The following RAD54L variants were observed in gnomAD, a reference collection of about 807,000 sequenced individuals.
RAD54L encodes the protein DNA repair and recombination protein RAD54-like.
Under a neutral mutation model 91.6 loss-of-function variants are expected in RAD54L, and 74 were observed. The observed-to-expected ratio is 0.81, with a 90% CI of 0.67 to 0.98. The LOEUF (loss-of-function observed/expected upper bound fraction) is 0.98. Ranked by LOEUF, RAD54L falls within the 50% of genes least tolerant of loss-of-function variation. The probability of loss-of-function intolerance (pLI) is 0.00; values close to 1 mark genes in which losing one functional copy is unlikely to be tolerated. For missense variants in RAD54L, 887 were observed against 945.7 expected (o/e 0.94, Z 0.81); for synonymous variants, 304 against 349.7 (o/e 0.87, Z 1.46).
At chr1:46,270,552 G>A (rs1400887646) in intron 9 of RAD54L, 107 bp from the exon 10 acceptor site, 1 of 1,471,510 alleles carries the variant, frequency 6.8e-7, no homozygotes, top group African/African-American at 1.4e-5. Flanking sequence ...GTTTAGCCTT[G>A]TTCTTGGTAG....
At chr1:46,278,045 G>A in intron 17 of RAD54L, 27 bp from the exon 18 acceptor site, 1 of 1,614,138 alleles carries the variant, frequency 6.2e-7, no homozygotes, top group African/African-American at 1.3e-5. Context: ...GATCTGTAGT[G>A]ACTTCAGCTG....
At chr1:46,250,546 T>C (rs1659769745) in intron 3 of RAD54L, among the ~76,000 whole-genome samples, 2 of 152,226 alleles carry the variant, frequency 1.3e-5, no homozygotes, top group South Asian at 4.1e-4. Context: ...AAGGGTTAAG[T>C]AATTTGCTCA....
At chr1:46,272,838 A>G in intron 12 of RAD54L, 36 bp downstream of exon 12, 8 of 1,613,376 alleles carry the variant, frequency 5.0e-6, no homozygotes, top group Non-Finnish European at 6.8e-6. Context: ...CCTCTGTGAG[A>G]GTGAGCAAGG....
Position 46,278,162 on chromosome 1 carries a change from C to G in RAD54L, c.2124C>G (p.His708Gln), listed in dbSNP as rs1227675246. Residue 708 changes from histidine to glutamine, a missense_variant, in exon 18 of 18, where the codon CAC becomes CAG. His to Gln is a conservative substitution (Grantham distance 24, BLOSUM62 0). Transcript: ENST00000371975. Reference sequence around the variant, plus strand: ...CTTCAGACCTGGCAGGGTGGAACCACTGCACTGATAAGTGGGGGCTCCGGG... The same window carrying G: ...CTTCAGACCTGGCAGGGTGGAACCAGTGCACTGATAAGTGGGGGCTCCGGG... ...DCTSDLAGWNHCTDKWGLRDE... is the reference protein window; with the variant it reads ...DCTSDLAGWNQCTDKWGLRDE... 3.1e-6 allele frequency: 5 copies of G among 1,613,766 alleles called. No homozygotes were observed. Among genetic ancestry groups the G allele is most frequent in the East Asian group, 4.5e-5 (2 of 44,894 alleles).
rs138546115 is a variant in RAD54L, at chr1:46,273,624, G to C, written c.1487G>C (p.Gly496Ala). 351 of 1,613,452 alleles carry C rather than the reference G, an allele frequency of 2.2e-4. 3 individuals carry two copies. The Admixed American group carries it at 2.6e-3, about 12-fold the overall frequency. ...SSKALEPQLS[G>A]KMLVLDYILA... is the part of the protein sequence containing the mutation. ...GACTGCTGGTTGCTGCTCTTCCCAG[G>C]TAAGATGCTGGTCCTGGATTATATT... Residue 496 changes from glycine to alanine, a missense_variant and splice_region_variant, in exon 14 of 18, where the codon GGT (glycine) becomes GCT (alanine). Gly to Ala is a moderately conservative substitution (Grantham distance 60, BLOSUM62 0). Transcript: ENST00000371975.
At position 46,248,129 on chromosome 1, in the gene RAD54L, C is replaced by A. The variant is rs995056582; in HGVS notation, c.-277C>A. On this transcript the variant is annotated 5_prime_UTR_variant, in exon 1 of 18. Coordinates refer to ENST00000371975, the MANE Select transcript of RAD54L (RefSeq NM_003579.4). ...CCGCCCAGTCTGGGACTCCACCTGC[C>A]TCCTCCCCAATCCCACACTAATCTC... The A allele has an allele frequency of 1.8e-6, 1 of 555,646 alleles. No homozygotes were observed. The highest frequency in any genetic ancestry group is 3.3e-6 in the Non-Finnish European group (1 of 306,244). The allele number at this position is 555,646 out of a possible 1,614,324, so 34.4% of individuals were successfully genotyped here. A position where few individuals can be genotyped will look rare whatever the true frequency, so the allele number is the denominator to read the frequency against.
intron 11 of RAD54L, 48 bp from the exon 12 acceptor site, chr1:46,272,624 G>A (rs1253871884): frequency 6.2e-7 from 1 of 1,614,080 alleles, no homozygotes; most frequent in Non-Finnish European, 8.5e-7. Flanking sequence ...TTCTCAGAGG[G>A]CAGGAGGGTG....
At position 46,270,706 on chromosome 1, in the gene RAD54L, G is replaced by A. The variant is rs1347233260; in HGVS notation, c.1090G>A (p.Gly364Ser). 1 of 1,611,420 alleles carries A rather than the reference G, an allele frequency of 6.2e-7. No homozygotes were observed. Among genetic ancestry groups the A allele is most frequent in the Non-Finnish European group, 8.5e-7 (1 of 1,179,996 alleles). The change falls in exon 10 of 18, where the codon GGT becomes AGT. Residue 364 changes from glycine (G) to serine (S), a missense_variant. By Grantham distance (56) the Gly-to-Ser change is moderately conservative. Coordinates refer to ENST00000371975, the MANE Select transcript of RAD54L (RefSeq NM_003579.4). ...KKHFELPILK[G>S]RDAAASEADR... ...GCATTTTGAATTGCCAATTTTGAAG[G>A]GTCGAGACGCTGCTGCTAGTGAGGC...
chr1:46,273,792 C>A (rs118091259), intron 14 of RAD54L, 45 bp downstream of exon 14: 1 of 1,562,732 alleles, frequency 6.4e-7, no homozygotes, highest in Non-Finnish European at 8.7e-7. Context: ...ATATACCCCT[C>A]CCCTACTGTC....
chr1:46,261,426 G>A (rs773555171), intron 8 of RAD54L, 41 bp downstream of exon 8: 3 of 1,612,448 alleles, frequency 1.9e-6, no homozygotes, highest in Non-Finnish European at 1.7e-6. Context: ...GAGAAAATCT[G>A]TCAAAATCTC....
At chr1:46,271,683 GA>G (rs1660430999) in intron 10 of RAD54L, among the ~76,000 whole-genome samples, 1 of 152,124 alleles carries the variant, frequency 6.6e-6, no homozygotes, top group Non-Finnish European at 1.5e-5. Context: ...ATGGCAGGAA[GA>G]AGAATTGGTG....
intron 2 of RAD54L, among the ~76,000 whole-genome samples, chr1:46,249,774 G>T (rs1272183394): frequency 1.3e-5 from 2 of 152,208 alleles, no homozygotes; most frequent in South Asian, 4.1e-4. Flanking sequence ...CCATTGCCCC[G>T]CTCAGTTTAG....
intron 3 of RAD54L, among the ~76,000 whole-genome samples, chr1:46,254,844 C>G (rs1201160264): frequency 2.0e-5 from 3 of 152,146 alleles, no homozygotes; most frequent in Admixed American, 2.0e-4. Context: ...GTCTTGGCCT[C>G]CCAGAGTGCT....
intron 12 of RAD54L, 63 bp downstream of exon 12, chr1:46,272,865 A>G: frequency 1.9e-6 from 3 of 1,603,568 alleles, no homozygotes; most frequent in Non-Finnish European, 2.6e-6. Flanking sequence ...AGGTTCCTGT[A>G]GTGGCCTGGC....
rs1291345406 is a variant in RAD54L at position 46,273,304 on chromosome 1, G to A, written c.1376-51G>A. On this transcript the variant is annotated intron_variant, in intron 12 of 17. Transcript: ENST00000371975. ...AGAGGGAGTTCTAGTGAACACTGAA[G>A]TGGAAACTTCAGAAAGCAAAGTATC... 4 of 1,466,208 alleles carry A rather than the reference G, an allele frequency of 2.7e-6. No individual in the cohort carries two copies. The South Asian group carries it at 3.4e-5, about 12-fold the overall frequency. 90.8% of individuals were successfully genotyped at this position (1,466,208 alleles called of 1,614,324 possible). A position where few individuals can be genotyped will look rare whatever the true frequency, so the allele number is the denominator to read the frequency against.
At chr1:46,269,496 TG>T (rs1345405396) in intron 9 of RAD54L, among the ~76,000 whole-genome samples, 2 of 151,164 alleles carry the variant, frequency 1.3e-5, no homozygotes, top group African/African-American at 4.9e-5. Context: ...TGGGTAGAGG[TG>T]GGGTTTTGCC....
At chr1:46,253,057 G>A (rs1192293479) in intron 3 of RAD54L, among the ~76,000 whole-genome samples, 1 of 152,126 alleles carries the variant, frequency 6.6e-6, no homozygotes, top group African/African-American at 2.4e-5. Flanking sequence ...GGGTGACAGA[G>A]ACCCTGTCTC....
At position 46,263,110 on chromosome 1, in the gene RAD54L, C is replaced by T. The variant is rs1046441405; in HGVS notation, c.891+1725C>T. 2.0e-5 allele frequency among the ~76,000 whole-genome samples: 3 copies of T among 152,060 alleles called. No homozygotes were observed. The highest frequency in any genetic ancestry group is 4.4e-5 in the Non-Finnish European group (3 of 68,008). On this transcript the variant is annotated intron_variant, in intron 8 of 17. Transcript: ENST00000371975. The surrounding 1 kb of genome is among the most constrained non-coding windows in gnomAD (Gnocchi z 4.3). ...TCCAGGCTGGGGGTACTTGCAAGAA[C>T]AAAAGCAGAGATAAGAAAGTCCATA...
chr1:46,267,267 C>T lies in RAD54L; in HGVS notation c.892-192C>T, dbSNP rs59551991. Among the ~76,000 whole-genome samples, 1,248 of 152,250 alleles carry T rather than the reference C, an allele frequency of 8.2e-3. 18 individuals carry two copies. The highest frequency in any genetic ancestry group is 0.031 in the Middle Eastern group (9 of 292). ...TTTGTAGAGATGGGGTTTCACCACA[C>T]TGGCCAGGCTGGTCTGGAACTCCTG... On this transcript the variant is annotated intron_variant, in intron 8 of 17. Transcript: ENST00000371975.
Sources: allele counts gnomAD v4.1 joint callset (sites outside exome capture counted in the v4.1 genomes callset), GRCh38; gene constraint gnomAD v4.1.1; non-coding constraint Gnocchi (gnomAD v3.1); transcripts MANE v1.5; gene names NCBI Gene and HGNC (gene_info 2026-07-23, HGNC 2026-07-21).